Variants in RAB2A observed in about 807,000 individuals in gnomAD.
The protein encoded by RAB2A is RAB2A, member RAS oncogene family.
In RAB2A, 7 loss-of-function variants were observed where a neutral mutation model predicts 32.5. The observed-to-expected ratio is 0.22, with a 90% CI of 0.12 to 0.40. The LOEUF is 0.40. Among genes scored for constraint, RAB2A ranks in the 10% least tolerant of loss-of-function variants. The probability of loss-of-function intolerance (pLI) is 1.00; values close to 1 mark genes in which losing one functional copy is unlikely to be tolerated. For synonymous variants in RAB2A, 79 were observed against 85.2 expected, an observed-to-expected ratio of 0.93 and a Z score of 0.40; for missense variants, 108 against 260.7, an observed-to-expected ratio of 0.41 and a Z score of 4.03.
At chr8:60,557,842 A>G (rs1428660511) in intron 1 of RAB2A, among the ~76,000 whole-genome samples, 2 of 152,154 alleles carry the variant, frequency 1.3e-5, no homozygotes, top group Non-Finnish European at 2.9e-5. Context: ...CTCGGATTAC[A>G]GGCTTGAGCC....
chr8:60,614,739 G>C (rs572713901), intron 6 of RAB2A, among the ~76,000 whole-genome samples: 18 of 152,168 alleles, frequency 1.2e-4, no homozygotes, highest in Non-Finnish European at 1.9e-4. Context: ...GTATCATTCA[G>C]ATTAACTGCT....
In RAB2A at chr8:60,621,850, C is replaced by A. The variant is rs1804533598; in HGVS notation, c.*1081C>A. 6.6e-6 allele frequency: 1 copy of A among 152,104 alleles called. No homozygotes were observed. The highest frequency in any genetic ancestry group is 1.5e-5 in the Non-Finnish European group (1 of 68,006). The allele number at this position is 152,104 out of a possible 1,614,324, so 9.4% of individuals were successfully genotyped here. ...CTTGTCTGTTTTGAAGGGGATATGA[C>A]AATAAATCTATCAGATGGAAAATCC... On this transcript the variant is annotated 3_prime_UTR_variant, in exon 8 of 8. Transcript: ENST00000262646.
intron 1 of RAB2A, among the ~76,000 whole-genome samples, chr8:60,535,775 T>C (rs1807547310): frequency 6.6e-6 from 1 of 152,236 alleles, no homozygotes; most frequent in African/African-American, 2.4e-5. Flanking sequence ...GCTGGATGCA[T>C]ACCACTGGCC....
chr8:60,529,407 A>G (rs1381500237), intron 1 of RAB2A, among the ~76,000 whole-genome samples: 1 of 152,036 alleles, frequency 6.6e-6, no homozygotes, highest in Non-Finnish European at 1.5e-5. Context: ...TCATATTGTG[A>G]CAATGGATTT....
In RAB2A at chr8:60,618,571, A is replaced by G. The variant is rs776083757; in HGVS notation, c.475-9A>G. On this transcript the variant is annotated splice_polypyrimidine_tract_variant and intron_variant, in intron 6 of 7. Transcript: ENST00000262646. Reference sequence around the variant, plus strand: ...TTATATAATATGAACCAATTTCTCTATATTTCAGGCATTTATTAATACAGC... The same window carrying G: ...TTATATAATATGAACCAATTTCTCTGTATTTCAGGCATTTATTAATACAGC... 2.5e-6 allele frequency: 3 copies of G among 1,206,676 alleles called. No individual in the cohort carries two copies. Among genetic ancestry groups the G allele is most frequent in the African/African-American group, 1.6e-5 (1 of 62,538 alleles). The allele number at this position is 1,206,676 out of a possible 1,614,324, so 74.7% of individuals were successfully genotyped here.
chr8:60,521,437 T>A (rs1807301621), intron 1 of RAB2A, among the ~76,000 whole-genome samples: 2 of 152,086 alleles, frequency 1.3e-5, no homozygotes, highest in Non-Finnish European at 2.9e-5. Context: ...AATTACAAGG[T>A]TATGTAGGGA....
At chr8:60,524,317 A>AC in intron 1 of RAB2A, among the ~76,000 whole-genome samples, 1 of 152,134 alleles carries the variant, frequency 6.6e-6, no homozygotes, top group Non-Finnish European at 1.5e-5. Context: ...ATTTGAGCAG[A>AC]CCCTAATTTT....
chr8:60,545,300 C>CT (rs1375658789), intron 1 of RAB2A, among the ~76,000 whole-genome samples: 6 of 151,922 alleles, frequency 3.9e-5, no homozygotes, highest in Non-Finnish European at 5.9e-5. Flanking sequence ...AGGAATCTGC[C>CT]TTTTTTTTAA....
chr8:60,568,521 G>C (rs1808150207), intron 2 of RAB2A, among the ~76,000 whole-genome samples: 1 of 152,090 alleles, frequency 6.6e-6, no homozygotes, highest in African/African-American at 2.4e-5. Flanking sequence ...AAAATCTCAT[G>C]AGATAGGTAT....
At chr8:60,585,114 G>A (rs780711460) in intron 5 of RAB2A, among the ~76,000 whole-genome samples, 1 of 152,186 alleles carries the variant, frequency 6.6e-6, no homozygotes, top group Non-Finnish European at 1.5e-5. Flanking sequence ...TGGGGAGTTG[G>A]ATTGAACATC....
chr8:60,568,863 A>G (rs1310068411), intron 2 of RAB2A, among the ~76,000 whole-genome samples: 1 of 152,234 alleles, frequency 6.6e-6, no homozygotes, highest in Non-Finnish European at 1.5e-5. Flanking sequence ...GGCATAGAGA[A>G]TAACAATTTA....
At chr8:60,548,687 A>T (rs1438444780) in intron 1 of RAB2A, among the ~76,000 whole-genome samples, 2 of 127,612 alleles carry the variant, frequency 1.6e-5, no homozygotes, top group Non-Finnish European at 3.2e-5. Context: ...GGCCGGGCAG[A>T]GGGGCTCCTC....
intron 2 of RAB2A, among the ~76,000 whole-genome samples, chr8:60,568,241 C>A (rs1054432031): frequency 6.6e-6 from 1 of 152,140 alleles, no homozygotes; most frequent in Admixed American, 6.5e-5. Flanking sequence ...GAAGTTCTAG[C>A]CTTGACATTA....
chr8:60,565,670 T>C (rs868823768), intron 2 of RAB2A, among the ~76,000 whole-genome samples: 2 of 134,158 alleles, frequency 1.5e-5, no homozygotes, highest in Non-Finnish European at 3.2e-5. Flanking sequence ...AAAGTCTCTG[T>C]AGCTGATTTT....
chr8:60,540,552 T>C (rs1807624848), intron 1 of RAB2A, among the ~76,000 whole-genome samples: 1 of 152,230 alleles, frequency 6.6e-6, no homozygotes, highest in African/African-American at 2.4e-5. Context: ...CAATCTTGGC[T>C]CACTGCAACT....
At chr8:60,607,585 C>T (rs2150435520) in intron 6 of RAB2A, among the ~76,000 whole-genome samples, 1 of 152,260 alleles carries the variant, frequency 6.6e-6, no homozygotes, top group African/African-American at 2.4e-5. Context: ...CTACCTAAGT[C>T]AGTTGTCTTT....
At chr8:60,600,209 T>G (rs1263495266) in intron 6 of RAB2A, among the ~76,000 whole-genome samples, 1 of 152,132 alleles carries the variant, frequency 6.6e-6, no homozygotes, top group East Asian at 1.9e-4. Context: ...AAATTAAAAC[T>G]TCAGTAAGCC....
At chr8:60,579,776 C>T (rs539266762) in intron 3 of RAB2A, among the ~76,000 whole-genome samples, 12 of 151,984 alleles carry the variant, frequency 7.9e-5, no homozygotes, top group South Asian at 2.1e-4. Context: ...TACAGGTGCC[C>T]GCCACCAAGC....
At chr8:60,532,411 G>A (rs561222549) in intron 1 of RAB2A, among the ~76,000 whole-genome samples, 96 of 152,256 alleles carry the variant, frequency 6.3e-4, no homozygotes, top group African/African-American at 2.2e-3. Context: ...ATGTATGCCC[G>A]ATGAATTGAG....
Sources: gnomAD v4.1 joint callset for allele counts (sites outside exome capture counted in the v4.1 genomes callset) on GRCh38, gnomAD v4.1.1 for gene constraint, MANE v1.5 for transcripts, NCBI Gene and HGNC (gene_info 2026-07-23, HGNC 2026-07-21) for gene names.